MROH2B: variants seen among roughly 807,000 people sequenced by gnomAD.
MROH2B encodes maestro heat like repeat family member 2B.
Under a neutral mutation model 208.6 loss-of-function variants are expected in MROH2B, and 177 were observed. The ratio of observed to expected loss-of-function variants is 0.85; its 90% CI spans 0.75 to 0.96. The LOEUF is 0.96. Among genes scored for constraint, MROH2B ranks in the 40% least tolerant of loss-of-function variants. The pLI, the probability that MROH2B is intolerant of heterozygous loss-of-function variation, is 0.00. For missense variants in MROH2B, 2,002 were observed against 1,878.7 expected (o/e 1.07, Z -1.21); for synonymous variants, 728 against 659.0 (o/e 1.10, Z -1.60).
chr5:41,052,461 A>G lies in MROH2B; in HGVS notation c.1230+4T>C. 1 of 1,611,588 alleles carries G rather than the reference A, an allele frequency of 6.2e-7. No homozygotes were observed. The highest frequency in any genetic ancestry group is 1.3e-5 in the African/African-American group (1 of 74,952). On this transcript the variant is annotated splice_donor_region_variant and intron_variant, in intron 12 of 41. Transcript: ENST00000399564. ...CATCACTCAAAACTGTAGCCTCTGC[A>G]TACCAGATTCCTGTTCAACGTTGCA...
intron 24 of MROH2B, among the ~76,000 whole-genome samples, chr5:41,029,877 A>G (rs1421278070): frequency 6.6e-6 from 1 of 152,132 alleles, no homozygotes; most frequent in Admixed American, 6.6e-5. Flanking sequence ...TACCTGGGTG[A>G]CAGATTCATT....
intron 6 of MROH2B, among the ~76,000 whole-genome samples, chr5:41,060,145 C>A (rs1743590494): frequency 6.6e-6 from 1 of 152,162 alleles, no homozygotes; most frequent in Non-Finnish European, 1.5e-5. Context: ...CAACTGATGC[C>A]AAGTCCTGGT....
At chr5:41,003,689 A>G (rs943423357) in intron 37 of MROH2B, among the ~76,000 whole-genome samples, 3 of 152,228 alleles carry the variant, frequency 2.0e-5, no homozygotes, top group Non-Finnish European at 4.4e-5. Context: ...CTTAATGTTT[A>G]TGAAGAATGC....
At chr5:41,057,563 C>T (rs1344106061) in intron 7 of MROH2B, among the ~76,000 whole-genome samples, 15 of 73,228 alleles carry the variant, frequency 2.0e-4, no homozygotes, top group African/African-American at 3.6e-4. Flanking sequence ...AATATCCCTC[C>T]TTTTTTTTTT....
intron 24 of MROH2B, among the ~76,000 whole-genome samples, chr5:41,024,748 C>T (rs538932204): frequency 1.1e-4 from 16 of 152,338 alleles, no homozygotes; most frequent in African/African-American, 3.4e-4. Context: ...CTAAGCACCA[C>T]GTCACACTTA....
chr5:41,002,680 GATGAGCA>G (rs1741434830), intron 37 of MROH2B, among the ~76,000 whole-genome samples: 1 of 152,158 alleles, frequency 6.6e-6, no homozygotes, highest in Non-Finnish European at 1.5e-5. Context: ...ACCTATTAGA[GATGAGCA>G]AGGTCTGAGC....
intron 19 of MROH2B, among the ~76,000 whole-genome samples, chr5:41,041,734 T>A (rs1252531394): frequency 1.3e-5 from 2 of 152,188 alleles, no homozygotes; most frequent in South Asian, 2.1e-4. Flanking sequence ...GCAGAAGCAC[T>A]TTAGGTTATC....
chr5:41,041,010 G>C (rs2150171184), intron 19 of MROH2B, among the ~76,000 whole-genome samples: 1 of 152,184 alleles, frequency 6.6e-6, no homozygotes, highest in South Asian at 2.1e-4. Context: ...CCTTGAATGA[G>C]AGTCTTATAT....
chr5:41,052,577 G>T lies in MROH2B; in HGVS notation c.1118C>A (p.Ser373Tyr), dbSNP rs376480087. ...CATGGTTTGGATGAGGAGAAGAACAGAATTTCTTACCTAGGGTAAGAACAA... is the reference window on the plus strand; with the variant it reads ...CATGGTTTGGATGAGGAGAAGAACATAATTTCTTACCTAGGGTAAGAACAA... Reference protein sequence around the residue: ...MGDLSTKVRNSVLLLIQTMCE... With the variant: ...MGDLSTKVRNYVLLLIQTMCE... Residue 373 changes from serine to tyrosine, a missense_variant, in exon 12 of 42, where the codon TCT (serine) becomes TAT (tyrosine). Coordinates refer to ENST00000399564, the MANE Select transcript of MROH2B (RefSeq NM_173489.5). The T allele has an allele frequency of 6.2e-7, 1 of 1,610,326 alleles. No homozygotes were observed. The highest frequency in any genetic ancestry group is 8.5e-7 in the Non-Finnish European group (1 of 1,177,986).
At position 41,049,128 on chromosome 5, in the gene MROH2B, T is replaced by G; in HGVS notation, c.1515A>C (p.Ser505=). The change falls in exon 15 of 42, where the codon TCA becomes TCC. Residue 505 remains serine, a synonymous_variant. Coordinates refer to ENST00000399564, the MANE Select transcript of MROH2B (RefSeq NM_173489.5). ...VVSTGAVKLP[S]PQQLLARLLV... is the part of the protein sequence containing the mutation. ...GAAGTCTGGCCAGTAGCTGCTGTGG[T>G]GAAGGAAGTTTCACTAGAAAGAGAA... The G allele has an allele frequency of 6.2e-7, 1 of 1,600,530 alleles. No homozygotes were observed. The highest frequency in any genetic ancestry group is 1.7e-4 in the Middle Eastern group (1 of 6,042).
At chr5:41,026,356 A>G (rs2150162627) in intron 24 of MROH2B, among the ~76,000 whole-genome samples, 3 of 152,362 alleles carry the variant, frequency 2.0e-5, no homozygotes, top group Admixed American at 2.0e-4. Flanking sequence ...TACAAAATCA[A>G]TGTGCAAAAA....
intron 20 of MROH2B, 64 bp downstream of exon 20, chr5:41,039,384 C>G (rs1742870594): frequency 2.1e-6 from 2 of 942,752 alleles, no homozygotes; most frequent in East Asian, 2.6e-5. Flanking sequence ...AGGATATTCA[C>G]TGAAGAAATC....
intron 24 of MROH2B, among the ~76,000 whole-genome samples, chr5:41,019,540 T>A (rs2111876417): frequency 6.6e-6 from 1 of 152,356 alleles, no homozygotes; most frequent in African/African-American, 2.4e-5. Flanking sequence ...CCTTTCTGCC[T>A]TTCTTTCAAA....
At chr5:41,067,558 G>A (rs951871578) in intron 2 of MROH2B, among the ~76,000 whole-genome samples, 2 of 151,876 alleles carry the variant, frequency 1.3e-5, no homozygotes, top group Admixed American at 1.3e-4. Context: ...GTAGAGACGG[G>A]GTTTTTGCCA....
intron 18 of MROH2B, among the ~76,000 whole-genome samples, chr5:41,044,228 TGACAGAGCAA>T (rs1262310893): frequency 7.0e-6 from 1 of 142,288 alleles, no homozygotes; most frequent in African/African-American, 2.6e-5. Context: ...CCAGCCTGGG[TGACAGAGCAA>T]GACTCCATCT....
At chr5:41,065,880 A>C (rs1743797578) in intron 3 of MROH2B, among the ~76,000 whole-genome samples, 1 of 152,154 alleles carries the variant, frequency 6.6e-6, no homozygotes, top group African/African-American at 2.4e-5. Context: ...CACACTATTT[A>C]TAAGCTCCTC....
In MROH2B at chr5:41,017,837, A is replaced by C; in HGVS notation, c.2884+13T>G. 6.3e-7 allele frequency: 1 copy of C among 1,575,438 alleles called. No individual in the cohort carries two copies. Among genetic ancestry groups the C allele is most frequent in the Non-Finnish European group, 8.6e-7 (1 of 1,163,290 alleles). On this transcript the variant is annotated intron_variant, in intron 28 of 41. Transcript: ENST00000399564. Reference sequence around the variant, plus strand: ...TCTTTTCTTCATTTGTGGGTTCCCCATCTTTCCCTCACCTTTTATATAGAA... The same window carrying C: ...TCTTTTCTTCATTTGTGGGTTCCCCCTCTTTCCCTCACCTTTTATATAGAA...
chr5:41,047,852 G>A (rs1743168948), intron 16 of MROH2B, 88 bp from the exon 17 acceptor site: 1 of 1,111,790 alleles, frequency 9.0e-7, no homozygotes, highest in Non-Finnish European at 1.3e-6. Context: ...AGTGATACTG[G>A]AGTTCTATTT....
intron 40 of MROH2B, among the ~76,000 whole-genome samples, chr5:40,999,149 C>T (rs896116): frequency 0.9 from 136,423 of 152,206 alleles, 61,193 homozygotes; most frequent in South Asian, 0.93. Flanking sequence ...AGAAGGATCT[C>T]TAGAGATTTA....
Sources: allele counts gnomAD v4.1 joint callset (sites outside exome capture counted in the v4.1 genomes callset), GRCh38; gene constraint gnomAD v4.1.1; transcripts MANE v1.5; gene names NCBI Gene and HGNC (gene_info 2026-07-23, HGNC 2026-07-21).